The following AIG1 variants were observed in gnomAD, a reference collection of about 807,000 sequenced individuals.
AIG1 encodes androgen induced 1.
A neutral mutation model predicts 31.4 loss-of-function variants in AIG1; 23 were observed. The ratio of observed to expected loss-of-function variants is 0.73; its 90% CI spans 0.53 to 1.04. The LOEUF is 1.04. Ranked by LOEUF, AIG1 falls within the 50% of genes least tolerant of loss-of-function variation. The pLI is 0.00. For missense variants in AIG1, 274 were observed against 295.0 expected (o/e 0.93, Z 0.52); for synonymous variants, 100 against 110.5 (o/e 0.90, Z 0.60).
intron 4 of AIG1, among the ~76,000 whole-genome samples, chr6:143,316,415 T>C (rs1331028196): frequency 1.3e-5 from 2 of 152,072 alleles, no homozygotes; most frequent in African/African-American, 4.8e-5. Context: ...AGGCCAAAGA[T>C]AGGACACCAA....
intron 4 of AIG1, among the ~76,000 whole-genome samples, chr6:143,286,040 T>C (rs1488274509): frequency 6.9e-6 from 1 of 144,916 alleles, no homozygotes; most frequent in Non-Finnish European, 1.5e-5. Flanking sequence ...AAATACGGTC[T>C]TGTTACTTTG....
chr6:143,083,482 T>C (rs1008413329), intron 1 of AIG1, among the ~76,000 whole-genome samples: 1 of 152,218 alleles, frequency 6.6e-6, no homozygotes, highest in Admixed American at 6.5e-5. Context: ...GGTCCAGGAC[T>C]GTAAACCACT....
intron 3 of AIG1, among the ~76,000 whole-genome samples, chr6:143,179,032 G>C (rs1378617689): frequency 6.6e-6 from 1 of 152,152 alleles, no homozygotes; most frequent in Non-Finnish European, 1.5e-5. Flanking sequence ...AGGGGAGAGA[G>C]AGAGAAAACC....
intron 4 of AIG1, among the ~76,000 whole-genome samples, chr6:143,290,849 C>T (rs56805320): frequency 0.14 from 20,915 of 152,076 alleles, 1,635 homozygotes; most frequent in East Asian, 0.36. Context: ...AGCTACCTTT[C>T]TTGGGGCTTA....
chr6:143,301,449 T>G (rs1798819815), intron 4 of AIG1, among the ~76,000 whole-genome samples: 1 of 152,198 alleles, frequency 6.6e-6, no homozygotes, highest in African/African-American at 2.4e-5. Context: ...ACACGTGGTG[T>G]TGGGCCATTC....
chr6:143,262,190 C>T (rs762854259), intron 3 of AIG1, among the ~76,000 whole-genome samples: 4 of 152,190 alleles, frequency 2.6e-5, no homozygotes, highest in Non-Finnish European at 5.9e-5. Flanking sequence ...ATTAAAACCA[C>T]TTGTAAATTT....
intron 3 of AIG1, among the ~76,000 whole-genome samples, chr6:143,212,270 G>A (rs898355990): frequency 6.6e-6 from 1 of 151,968 alleles, no homozygotes; most frequent in African/African-American, 2.4e-5. Context: ...CTCATGCTTC[G>A]AGCCCATTCT....
In AIG1 at chr6:143,083,091, C is replaced by G. The variant is rs556165533; in HGVS notation, c.141+22025C>G. Among the ~76,000 whole-genome samples, 9 of 152,320 alleles carry G rather than the reference C, an allele frequency of 5.9e-5. No homozygotes were observed. The South Asian group carries it at 1.2e-3, about 21-fold the overall frequency. On this transcript the variant is annotated intron_variant, in intron 1 of 5. Transcript: ENST00000357847. ...TAAGCCGATATAGGCTGGATACGTT[C>G]CTCACTGAGGGCCCTGGTGCCTTTG... is the stretch of plus-strand genomic sequence containing the variant.
intron 4 of AIG1, among the ~76,000 whole-genome samples, chr6:143,318,025 A>T (rs1266821154): frequency 6.6e-6 from 1 of 152,212 alleles, no homozygotes; most frequent in East Asian, 1.9e-4. Flanking sequence ...AACACATCCC[A>T]TGCTCATGGA....
chr6:143,162,934 G>T (rs918176806), intron 2 of AIG1, among the ~76,000 whole-genome samples: 2 of 152,152 alleles, frequency 1.3e-5, no homozygotes, highest in African/African-American at 4.8e-5. Flanking sequence ...TTGGCCACGG[G>T]ATGTCTTCAC....
At chr6:143,094,311 A>G (rs533728122) in intron 1 of AIG1, 1 of 152,322 alleles carries the variant, frequency 6.6e-6, no homozygotes, top group East Asian at 1.9e-4. Context: ...TGTGTTGCCA[A>G]ATTGGTGGCA....
intron 1 of AIG1, among the ~76,000 whole-genome samples, chr6:143,133,395 C>G (rs1360233015): frequency 1.3e-5 from 2 of 152,100 alleles, no homozygotes; most frequent in Non-Finnish European, 2.9e-5. Context: ...GAATACATCT[C>G]TATCCTGAAT....
At position 143,284,272 on chromosome 6, in the gene AIG1, C is replaced by T. The variant is rs368308461; in HGVS notation, c.515+47C>T. On this transcript the variant is annotated intron_variant, in intron 4 of 5. Coordinates refer to ENST00000357847, the MANE Select transcript of AIG1 (RefSeq NM_016108.4). This position sits in a 1 kb window ranked among gnomAD's most constrained non-coding sequence, Gnocchi z 4.4. ...CTTTCTTATTGTATTAGATTTTGCACTGCTAAATTTGGGCACATATTTCAT... is the reference window on the plus strand; with the variant it reads ...CTTTCTTATTGTATTAGATTTTGCATTGCTAAATTTGGGCACATATTTCAT... 15 of 1,399,604 alleles carry T rather than the reference C, an allele frequency of 1.1e-5. No homozygotes were observed. The African/African-American group carries it at 2.1e-4, about 20-fold the overall frequency. 86.7% of individuals were successfully genotyped at this position (1,399,604 alleles called of 1,614,324 possible).
chr6:143,065,216 C>T (rs1776589700), intron 1 of AIG1, among the ~76,000 whole-genome samples: 1 of 152,182 alleles, frequency 6.6e-6, no homozygotes, highest in Non-Finnish European at 1.5e-5. Flanking sequence ...TGCAGGCCAT[C>T]TGGATGTATA....
At chr6:143,311,939 C>A (rs745611226) in intron 4 of AIG1, among the ~76,000 whole-genome samples, 3 of 151,744 alleles carry the variant, frequency 2.0e-5, no homozygotes, top group Admixed American at 6.6e-5. Context: ...AAAAAGAAAT[C>A]AAAAAGTAAC....
chr6:143,214,716 G>C (rs1384389373), intron 3 of AIG1, among the ~76,000 whole-genome samples: 1 of 151,998 alleles, frequency 6.6e-6, no homozygotes, highest in Non-Finnish European at 1.5e-5. Context: ...TGGTGCCATG[G>C]TCCCTTCTGT....
intron 4 of AIG1, among the ~76,000 whole-genome samples, chr6:143,319,463 G>A (rs1321809168): frequency 6.6e-6 from 1 of 152,084 alleles, no homozygotes; most frequent in African/African-American, 2.4e-5. Flanking sequence ...AGTGGACTAT[G>A]GGGACTCCAG....
intron 3 of AIG1, chr6:143,187,343 T>C: frequency 6.9e-7 from 1 of 1,447,328 alleles, no homozygotes; most frequent in East Asian, 2.5e-5. Context: ...ACCACAGATA[T>C]TTTGCTGCAT....
chr6:143,213,508 CTTTTTTTTTTT>C (rs746350692), intron 3 of AIG1, among the ~76,000 whole-genome samples: 4 of 61,196 alleles, frequency 6.5e-5, no homozygotes, highest in Non-Finnish European at 1.0e-4. Flanking sequence ...TTTCTTTCTT[CTTTTTTTTTTT>C]TTTTTTTTTT....
Sources: allele counts gnomAD v4.1 joint callset (sites outside exome capture counted in the v4.1 genomes callset), GRCh38; gene constraint gnomAD v4.1.1; non-coding constraint Gnocchi (gnomAD v3.1); transcripts MANE v1.5; gene names NCBI Gene and HGNC (gene_info 2026-07-23, HGNC 2026-07-21).